The following TRIM33 variants were observed in gnomAD, a reference collection of about 807,000 sequenced individuals.
The protein encoded by TRIM33 is tripartite motif containing 33, also known as E3 ubiquitin-protein ligase TRIM33.
A neutral mutation model predicts 125.4 loss-of-function variants in TRIM33; 20 were observed. The ratio of observed to expected loss-of-function variants is 0.16; its 90% CI spans 0.11 to 0.23. The LOEUF (loss-of-function observed/expected upper bound fraction) is 0.23. Among genes scored for constraint, TRIM33 ranks in the 10% least tolerant of loss-of-function variants. The probability of loss-of-function intolerance (pLI) is 1.00; values close to 1 mark genes in which losing one functional copy is unlikely to be tolerated. For synonymous variants in TRIM33, 564 were observed against 513.9 expected, an observed-to-expected ratio of 1.10 and a Z score of -1.32; for missense variants, 920 against 1,411.4, an observed-to-expected ratio of 0.65 and a Z score of 5.58.
At chr1:114,467,558 A>G (rs1185898892) in intron 1 of TRIM33, among the ~76,000 whole-genome samples, 1 of 152,120 alleles carries the variant, frequency 6.6e-6, no homozygotes, top group Admixed American at 6.5e-5. Context: ...GAAGAAACAG[A>G]GCTCTCAAAT....
intron 4 of TRIM33, among the ~76,000 whole-genome samples, chr1:114,442,880 T>C (rs1648740806): frequency 6.6e-6 from 1 of 152,018 alleles, no homozygotes; most frequent in Non-Finnish European, 1.5e-5. Flanking sequence ...ATAAGATTCT[T>C]ATCTAACTAG....
intron 6 of TRIM33, among the ~76,000 whole-genome samples, chr1:114,429,610 T>C (rs1647814742): frequency 6.6e-6 from 1 of 151,796 alleles, no homozygotes. Context: ...TTTTAAAGGA[T>C]TCTATGAAGA....
intron 4 of TRIM33, among the ~76,000 whole-genome samples, chr1:114,454,904 A>G (rs1010180771): frequency 1.3e-5 from 2 of 152,172 alleles, no homozygotes; most frequent in African/African-American, 4.8e-5. Flanking sequence ...TAGTCTAGGT[A>G]TGAGAAAGAC....
intron 4 of TRIM33, 150 bp from the exon 5 acceptor site, chr1:114,433,883 T>TA: frequency 2.0e-6 from 1 of 501,584 alleles, no homozygotes. Flanking sequence ...CAGCAACTTT[T>TA]AACTGGCAAT....
At chr1:114,504,322 T>C (rs1265421823) in intron 1 of TRIM33, among the ~76,000 whole-genome samples, 1 of 152,008 alleles carries the variant, frequency 6.6e-6, no homozygotes, top group Non-Finnish European at 1.5e-5. Context: ...CGCACTACCA[T>C]GCCTATTTAA....
At chr1:114,489,852 T>C (rs1373712521) in intron 1 of TRIM33, among the ~76,000 whole-genome samples, 2 of 152,236 alleles carry the variant, frequency 1.3e-5, no homozygotes, top group African/African-American at 2.4e-5. Flanking sequence ...TTTTGTTACA[T>C]GTTATTTTTC....
chr1:114,413,983 A>G (rs1205184182), intron 11 of TRIM33, among the ~76,000 whole-genome samples: 2 of 151,482 alleles, frequency 1.3e-5, no homozygotes, highest in East Asian at 3.9e-4. Flanking sequence ...AAAGAGTGAG[A>G]CCCTGTCTCA....
intron 4 of TRIM33, among the ~76,000 whole-genome samples, chr1:114,434,057 AACC>A (rs1434173642): frequency 1.3e-5 from 2 of 152,360 alleles, no homozygotes; most frequent in South Asian, 2.1e-4. Context: ...CATAAAGCGT[AACC>A]ACATTATAGA....
rs906197475 is a variant in TRIM33 at position 114,511,089 on chromosome 1, G to C, written c.-13C>G. ...TGTTTTCCGCCATGTTTTCCTCTTT[G>C]AACCCGCCGGACCGCCCCGCGCCGC... On this transcript the variant is annotated 5_prime_UTR_variant, in exon 1 of 20. Coordinates refer to ENST00000358465, the MANE Select transcript of TRIM33 (RefSeq NM_015906.4). 1.1e-4 allele frequency: 137 copies of C among 1,210,288 alleles called. No individual in the cohort carries two copies. The highest frequency in any genetic ancestry group is 1.4e-4 in the Non-Finnish European group (135 of 975,058). The allele number at this position is 1,210,288 out of a possible 1,614,324, so 75.0% of individuals were successfully genotyped here. A position where few individuals can be genotyped will look rare whatever the true frequency, so the allele number is the denominator to read the frequency against.
intron 10 of TRIM33, 48 bp downstream of exon 10, chr1:114,424,543 T>G (rs1021789855): frequency 4.1e-6 from 6 of 1,448,482 alleles, no homozygotes; most frequent in Middle Eastern, 1.9e-4. Context: ...AATGACGTCT[T>G]TTAATTTTAA....
intron 1 of TRIM33, among the ~76,000 whole-genome samples, chr1:114,473,798 C>A (rs989482901): frequency 1.3e-5 from 2 of 152,026 alleles, no homozygotes; most frequent in African/African-American, 4.8e-5. Context: ...GCAAAGCAAT[C>A]AACGTAGATC....
At chr1:114,467,146 C>A (rs1408062540) in intron 1 of TRIM33, among the ~76,000 whole-genome samples, 1 of 152,024 alleles carries the variant, frequency 6.6e-6, no homozygotes, top group Non-Finnish European at 1.5e-5. Context: ...AAACGCTGGT[C>A]TATCAGTAAC....
intron 1 of TRIM33, among the ~76,000 whole-genome samples, chr1:114,493,649 G>A (rs1557900540): frequency 6.6e-6 from 1 of 151,998 alleles, no homozygotes; most frequent in Non-Finnish European, 1.5e-5. Flanking sequence ...TCATTCCTTT[G>A]CATGTGAAAA....
Position 114,427,792 on chromosome 1 carries a change from T to C in TRIM33, c.1258A>G (p.Ile420Val), listed in dbSNP as rs1647686710. ...KHVMNFTNWA[I>V]ASGSSTALLY... Reference sequence around the variant, plus strand: ...AGTGCTGTGCTGCTGCCACTTGCAATTGCCCAATTTGTGAAGTTCATAACA... The same window carrying C: ...AGTGCTGTGCTGCTGCCACTTGCAACTGCCCAATTTGTGAAGTTCATAACA... The change falls in exon 7 of 20, where the codon ATT (isoleucine) becomes GTT (valine). Residue 420 changes from isoleucine (I) to valine (V), a missense_variant. Coordinates refer to ENST00000358465, the MANE Select transcript of TRIM33 (RefSeq NM_015906.4). The C allele has an allele frequency of 1.2e-6, 2 of 1,612,506 alleles. No individual in the cohort carries two copies.
chr1:114,401,303 C>T (rs950121236), intron 17 of TRIM33, 86 bp downstream of exon 17: 10 of 1,033,170 alleles, frequency 9.7e-6, no homozygotes, highest in South Asian at 2.9e-5. Flanking sequence ...GGATTACAGG[C>T]GTGAGCCACC....
At chr1:114,427,047 AACATATTTTT>A (rs1212779084) in intron 8 of TRIM33, 120 bp downstream of exon 8, 3 of 513,480 alleles carry the variant, frequency 5.8e-6, no homozygotes, top group Non-Finnish European at 1.1e-5. Flanking sequence ...AATGAATAAC[AACATATTTTT>A]ACATAAAATG....
Position 114,425,677 on chromosome 1 carries a change from A to G in TRIM33, c.1467T>C (p.Asn489=), listed in dbSNP as rs1337154706. ...ESKPAPGYTP[N]VVVGQVPPGT... ...CTGGAGGAACTTGCCCAACTACAAC[A>G]TTAGGAGTATAACCAGGAGCTGGTT... is the stretch of plus-strand genomic sequence containing the variant. The change falls in exon 9 of 20, where the codon AAT becomes AAC. Residue 489 remains asparagine (N), a synonymous_variant. Coordinates refer to ENST00000358465, the MANE Select transcript of TRIM33 (RefSeq NM_015906.4). 6.2e-7 allele frequency: 1 copy of G among 1,614,170 alleles called. No individual in the cohort carries two copies. Among genetic ancestry groups the G allele is most frequent in the Admixed American group, 1.7e-5 (1 of 60,024 alleles).
At position 114,510,930 on chromosome 1, in the gene TRIM33, T is replaced by TTCCTCCTCC; in HGVS notation, c.138_146dup (p.Glu47_Glu49dup). 1 of 1,414,788 alleles carries TTCCTCCTCC rather than the reference T, an allele frequency of 7.1e-7. No homozygotes were observed. Among genetic ancestry groups the TTCCTCCTCC allele is most frequent in the Non-Finnish European group, 9.2e-7 (1 of 1,088,830 alleles). The allele number at this position is 1,414,788 out of a possible 1,614,324, so 87.6% of individuals were successfully genotyped here. Reference sequence around the variant, plus strand: ...CGCCCTCAGCGCCGGCCCTGCCGCCTTCCTCCTCCTCCTCCTCCACCAGCA... The same window carrying TTCCTCCTCC: ...CGCCCTCAGCGCCGGCCCTGCCGCCTTCCTCCTCCTCCTCCTCCTCCTCCTCCACCAGCA... On this transcript the variant is annotated inframe_insertion, in exon 1 of 20. Coordinates refer to ENST00000358465, the MANE Select transcript of TRIM33 (RefSeq NM_015906.4).
chr1:114,447,465 C>G (rs1328788221), intron 4 of TRIM33, among the ~76,000 whole-genome samples: 3 of 151,890 alleles, frequency 2.0e-5, no homozygotes, highest in African/African-American at 7.3e-5. Flanking sequence ...AGAAAGTGAT[C>G]AGTAGTTGAG....
Sources: gnomAD v4.1 joint callset for allele counts (sites outside exome capture counted in the v4.1 genomes callset) on GRCh38, gnomAD v4.1.1 for gene constraint, MANE v1.5 for transcripts, NCBI Gene and HGNC (gene_info 2026-07-23, HGNC 2026-07-21) for gene names.